Variants in C2orf15 observed in about 807,000 individuals in gnomAD.
The protein encoded by C2orf15 is chromosome 2 open reading frame 15, also known as uncharacterized protein C2orf15.
In C2orf15, 3 loss-of-function variants were observed where a neutral mutation model predicts 4.4. The ratio of observed to expected loss-of-function variants is 0.67; its 90% CI spans 0.31 to 1.74. The LOEUF is 1.74. C2orf15 is among the 40% of genes most tolerant of loss of function. The pLI is 0.09. For synonymous variants in C2orf15, 37 were observed against 36.8 expected (o/e 1.00, Z -0.02); for missense variants, 90 against 103.3 (o/e 0.87, Z 0.56).
chr2:99,151,360 G>T lies in C2orf15; in HGVS notation c.*526G>T, dbSNP rs1033904051. ...CACCTGTGATCCCAGCTACCTGGGA[G>T]GCTGAGGAAGGAGAATCGCTTGAAC... On this transcript the variant is annotated 3_prime_UTR_variant, in exon 4 of 4. Coordinates refer to ENST00000650052, the MANE Select transcript of C2orf15 (RefSeq NM_144706.4). 6.6e-6 allele frequency: 1 copy of T among 152,040 alleles called. No individual in the cohort carries two copies. Among genetic ancestry groups the T allele is most frequent in the Non-Finnish European group, 1.5e-5 (1 of 68,296 alleles). The allele number at this position is 152,040 out of a possible 1,614,324, so 9.4% of individuals were successfully genotyped here. A position where few individuals can be genotyped will look rare whatever the true frequency, so the allele number is the denominator to read the frequency against.
intron 2 of C2orf15, 153 bp from the exon 3 acceptor site, chr2:99,147,249 C>T: frequency 2.1e-6 from 1 of 473,928 alleles, no homozygotes; most frequent in South Asian, 4.5e-5. Flanking sequence ...GATCTTTCCA[C>T]CTTGGCCTCC....
chr2:99,146,869 C>G (rs976011233), intron 2 of C2orf15, among the ~76,000 whole-genome samples: 2 of 152,122 alleles, frequency 1.3e-5, no homozygotes, highest in African/African-American at 4.8e-5. Context: ...CCTCGTGATC[C>G]GCCCACCTCA....
At chr2:99,144,027 G>A (rs76108657) in intron 2 of C2orf15, among the ~76,000 whole-genome samples, 1 of 143,470 alleles carries the variant, frequency 7.0e-6, no homozygotes, top group African/African-American at 2.5e-5. Flanking sequence ...CCTTTTTTTT[G>A]TTTGTTTTTT....
At chr2:99,143,162 GAC>G (rs2093592501) in intron 2 of C2orf15, among the ~76,000 whole-genome samples, 1 of 86,518 alleles carries the variant, frequency 1.2e-5, no homozygotes, top group Non-Finnish European at 2.1e-5. Context: ...TTTTTTTTGA[GAC>G]AGAGTCTCAC....
chr2:99,147,417 G>C lies in C2orf15; in HGVS notation c.-153G>C, dbSNP rs1399560095. Reference sequence around the variant, plus strand: ...TATATTCCAGATTTCTTCTTGAATGGCAACCTAAATGCCAGTCCAAAGAGG... The same window carrying C: ...TATATTCCAGATTTCTTCTTGAATGCCAACCTAAATGCCAGTCCAAAGAGG... On this transcript the variant is annotated 5_prime_UTR_variant, in exon 3 of 4. Transcript: ENST00000650052. The C allele has an allele frequency of 1.9e-6, 3 of 1,572,776 alleles. No individual in the cohort carries two copies. The Admixed American group carries it at 5.0e-5, about 26-fold the overall frequency.
At chr2:99,147,655 T>G (rs910163391) in intron 3 of C2orf15, among the ~76,000 whole-genome samples, 162 bp downstream of exon 3, 4 of 152,228 alleles carry the variant, frequency 2.6e-5, no homozygotes, top group Admixed American at 1.3e-4. Flanking sequence ...TTTTAAAACG[T>G]TTTTTCAATT....
chr2:99,149,826 C>G, intron 3 of C2orf15, among the ~76,000 whole-genome samples: 2 of 101,628 alleles, frequency 2.0e-5, no homozygotes, highest in East Asian at 3.2e-4. Context: ...GAGTCTCGCT[C>G]TTGTCGCCCA....
chr2:99,150,800 A>G lies in C2orf15; in HGVS notation c.242A>G (p.Glu81Gly), dbSNP rs2093685929. The stretch of plus-strand genomic sequence containing the variant: ...TTGGGTTCAGTGGTATATGTCAAAG[A>G]AAGTGATGGACTAGAAATGACAGAT... The part of the protein sequence containing the change: ...KALGSVVYVK[E>G]SDGLEMTDVE The change falls in exon 4 of 4, where the codon GAA becomes GGA. Residue 81 changes from glutamate to glycine, a missense_variant. Physicochemically the swap from Glu to Gly is moderately conservative, Grantham distance 98. Transcript: ENST00000650052. 1.2e-6 allele frequency: 2 copies of G among 1,600,416 alleles called. No individual in the cohort carries two copies. Among genetic ancestry groups the G allele is most frequent in the Non-Finnish European group, 1.7e-6 (2 of 1,176,160 alleles).
At chr2:99,146,500 T>G (rs2093633576) in intron 2 of C2orf15, among the ~76,000 whole-genome samples, 2 of 152,244 alleles carry the variant, frequency 1.3e-5, no homozygotes, top group South Asian at 4.1e-4. Flanking sequence ...CTCACTGTTT[T>G]CCTCCCTTAT....
intron 3 of C2orf15, 130 bp downstream of exon 3, chr2:99,147,623 C>T: frequency 1.3e-6 from 1 of 796,562 alleles, no homozygotes. Flanking sequence ...ATTTCAAATG[C>T]CATGTTTTAG....
In C2orf15 at chr2:99,144,649, CAAAAAAAA is replaced by C. The variant is rs70940140; in HGVS notation, c.-169+2263_-169+2270del. Among the ~76,000 whole-genome samples, 5 of 52,268 alleles carry C rather than the reference CAAAAAAAA, an allele frequency of 9.6e-5. No individual in the cohort carries two copies. The East Asian group carries it at 2.5e-3, about 26-fold the overall frequency. The allele number at this position is 52,268 out of a possible 152,430, so 34.3% of individuals were successfully genotyped here. A position where few individuals can be genotyped will look rare whatever the true frequency, so the allele number is the denominator to read the frequency against. Reference sequence around the variant, plus strand: ...GGGGGACAAGAACAAAACTCTGTCTCAAAAAAAAAAAAAAAAAAAAAAGATGCTGAAAG... The same window carrying C: ...GGGGGACAAGAACAAAACTCTGTCTCAAAAAAAAAAAAAAGATGCTGAAAG... On this transcript the variant is annotated intron_variant, in intron 2 of 3. Transcript: ENST00000650052.
intron 2 of C2orf15, among the ~76,000 whole-genome samples, chr2:99,146,815 G>T (rs1169440572): frequency 6.6e-6 from 1 of 152,142 alleles, no homozygotes; most frequent in Non-Finnish European, 1.5e-5. Context: ...TTTTAGTAGA[G>T]ACAGAGTTTC....
At chr2:99,143,633 G>C (rs938290048) in intron 2 of C2orf15, among the ~76,000 whole-genome samples, 2 of 151,678 alleles carry the variant, frequency 1.3e-5, no homozygotes, top group African/African-American at 4.8e-5. Flanking sequence ...ACCATGCCCA[G>C]CTAATTTTTG....
chr2:99,144,820 G>A (rs946445750), intron 2 of C2orf15, among the ~76,000 whole-genome samples: 4 of 152,110 alleles, frequency 2.6e-5, no homozygotes, highest in Admixed American at 2.0e-4. Context: ...TCAGGCTGGG[G>A]GAACTGTAAG....
chr2:99,141,971 G>A (rs1210309015), intron 1 of C2orf15, 34 bp downstream of exon 1: 1 of 152,408 alleles, frequency 6.6e-6, no homozygotes, highest in African/African-American at 2.4e-5. Context: ...AGGGGAGCCT[G>A]GGGACCACGG....
intron 3 of C2orf15, among the ~76,000 whole-genome samples, chr2:99,149,184 A>AG (rs1419136071): frequency 1.3e-5 from 2 of 150,676 alleles, no homozygotes; most frequent in African/African-American, 4.9e-5. Context: ...AAAAAAAAAA[A>AG]ATGGGTGAGG....
intron 2 of C2orf15, among the ~76,000 whole-genome samples, chr2:99,144,904 G>C (rs1478569150): frequency 2.0e-5 from 3 of 152,140 alleles, no homozygotes; most frequent in African/African-American, 7.2e-5. Context: ...GATAGGTCTG[G>C]GGTCGAATAA....
At chr2:99,147,724 A>G (rs1437950913) in intron 3 of C2orf15, among the ~76,000 whole-genome samples, 1 of 152,208 alleles carries the variant, frequency 6.6e-6, no homozygotes, top group Admixed American at 6.5e-5. Flanking sequence ...ATGTAGAACA[A>G]CTTTTTAAGC....
At chr2:99,143,368 C>G (rs892446284) in intron 2 of C2orf15, among the ~76,000 whole-genome samples, 11 of 151,612 alleles carry the variant, frequency 7.3e-5, no homozygotes, top group Non-Finnish European at 1.6e-4. Flanking sequence ...ACTGTGTTAG[C>G]CAGGATGGTC....
Sources: gnomAD v4.1 joint callset for allele counts (sites outside exome capture counted in the v4.1 genomes callset) on GRCh38, gnomAD v4.1.1 for gene constraint, MANE v1.5 for transcripts, NCBI Gene and HGNC (gene_info 2026-07-23, HGNC 2026-07-21) for gene names.